Variants in HSPG2 observed in about 807,000 individuals in gnomAD.
HSPG2 encodes the protein heparan sulfate proteoglycan 2.
HSPG2 carries 278 observed loss-of-function variants against 526.6 expected under a neutral mutation model. The ratio of observed to expected loss-of-function variants is 0.53; its 90% CI spans 0.48 to 0.58. The LOEUF (loss-of-function observed/expected upper bound fraction) is 0.58, where lower values mean the gene tolerates loss of function less well. Among genes scored for constraint, HSPG2 ranks in the 20% least tolerant of loss-of-function variants. The probability of loss-of-function intolerance (pLI) is 0.00; values close to 1 mark genes in which losing one functional copy is unlikely to be tolerated. For synonymous variants in HSPG2, 2,465 were observed against 2,555.4 expected (o/e 0.96, Z 1.07); for missense variants, 5,354 against 6,099.5 (o/e 0.88, Z 4.07).
chr1:21,867,048 T>A (rs923753909), intron 33 of HSPG2, among the ~76,000 whole-genome samples: 7 of 137,926 alleles, frequency 5.1e-5, no homozygotes, highest in African/African-American at 1.9e-4. Context: ...CAGTGATTTT[T>A]AAAAATTTTT....
Position 21,864,052 on chromosome 1 carries a change from C to T in HSPG2, c.4740+48G>A, listed in dbSNP as rs947151450. ...CCTTGTCCAGCCCTGGTCCCCCACCCAGGCCCAGCTGAGCTGACCCCCTGT... is the reference window on the plus strand; with the variant it reads ...CCTTGTCCAGCCCTGGTCCCCCACCTAGGCCCAGCTGAGCTGACCCCCTGT... On this transcript the variant is annotated intron_variant, in intron 37 of 96. Transcript: ENST00000374695. This position sits in a 1 kb window ranked among gnomAD's most constrained non-coding sequence, Gnocchi z 4.8. 7.0e-7 allele frequency: 1 copy of T among 1,423,282 alleles called. No homozygotes were observed. The highest frequency in any genetic ancestry group is 1.4e-5 in the African/African-American group (1 of 70,370). 88.2% of individuals were successfully genotyped at this position (1,423,282 alleles called of 1,614,324 possible). A position where few individuals can be genotyped will look rare whatever the true frequency, so the allele number is the denominator to read the frequency against.
In HSPG2 at chr1:21,836,883, C is replaced by G. The variant is rs2098028435; in HGVS notation, c.10274G>C (p.Ser3425Thr). The change falls in exon 75 of 97, where the codon AGC becomes ACC. Residue 3425 changes from serine (S) to threonine (T), a missense_variant. Transcript: ENST00000374695. ...CCAACGGAGCTGGGTACCCCGGTCGCTGGGCACAGCACAGTGGAACTCAAC... is the reference window on the plus strand; with the variant it reads ...CCAACGGAGCTGGGTACCCCGGTCGGTGGGCACAGCACAGTGGAACTCAAC... The part of the protein sequence containing the change: ...ASVEFHCAVP[S>T]DRGTQLRWFK... 1 of 1,573,820 alleles carries G rather than the reference C, an allele frequency of 6.4e-7. No homozygotes were observed. Among genetic ancestry groups the G allele is most frequent in the Admixed American group, 1.8e-5 (1 of 54,408 alleles).
Position 21,896,284 on chromosome 1 carries a change from A to G in HSPG2, c.90T>C (p.Asp30=), listed in dbSNP as rs1222665248. Residue 30 remains aspartate (D), a synonymous_variant, in exon 2 of 97, where the codon GAT becomes GAC. Coordinates refer to ENST00000374695, the MANE Select transcript of HSPG2 (RefSeq NM_005529.7). ...LAVTHGLRAY[D]GLSLPEDIET... ...CTATGTCCTCAGGCAGAGACAAGCC[A>G]TCGTATGCCCTCAGCCCATGGGTCA... 4.3e-6 allele frequency: 7 copies of G among 1,613,682 alleles called. No individual in the cohort carries two copies. Among genetic ancestry groups the G allele is most frequent in the Non-Finnish European group, 5.9e-6 (7 of 1,179,958 alleles).
chr1:21,874,829 GAGA>G, intron 26 of HSPG2, 59 bp downstream of exon 26: 1 of 1,521,108 alleles, frequency 6.6e-7, no homozygotes, highest in Admixed American at 1.8e-5. Context: ...AGGGCTCATG[GAGA>G]AGGAGCGGGA....
intron 1 of HSPG2, among the ~76,000 whole-genome samples, chr1:21,922,690 G>A (rs1363983519): frequency 6.6e-6 from 1 of 152,166 alleles, no homozygotes; most frequent in Non-Finnish European, 1.5e-5. Context: ...GGAGCCTCTT[G>A]GAGGAAGGTG....
At position 21,848,901 on chromosome 1, in the gene HSPG2, C is replaced by A. The variant is rs758731100; in HGVS notation, c.7577G>T (p.Gly2526Val). 42 of 1,613,742 alleles carry A rather than the reference C, an allele frequency of 2.6e-5. No individual in the cohort carries two copies. In the South Asian group the frequency reaches 4.6e-4, roughly 18 times the overall value. Residue 2526 changes from glycine to valine, a missense_variant, in exon 58 of 97, where the codon GGC becomes GTC. Physicochemically the swap from Gly to Val is moderately radical, Grantham distance 109. Coordinates refer to ENST00000374695, the MANE Select transcript of HSPG2 (RefSeq NM_005529.7). The surrounding 1 kb of genome is among the most constrained non-coding windows in gnomAD (Gnocchi z 4.9). ...VLVTIQQRLS[G>V]SHSQGVAYPV... ...ACCCCCGAGACACTCACAGTGGGAGCCACTAAGGCGCTGCTGGATGGTGAC... is the reference window on the plus strand; with the variant it reads ...ACCCCCGAGACACTCACAGTGGGAGACACTAAGGCGCTGCTGGATGGTGAC...
At chr1:21,924,985 C>G (rs144868090) in intron 1 of HSPG2, among the ~76,000 whole-genome samples, 9 of 152,310 alleles carry the variant, frequency 5.9e-5, no homozygotes, top group Admixed American at 5.2e-4. Flanking sequence ...TTGTGTTGGG[C>G]ACTTATAGCT....
chr1:21,895,130 CG>C lies in HSPG2; in HGVS notation c.244+791del, dbSNP rs5772969. Among the ~76,000 whole-genome samples the C allele has an allele frequency of 0.54, 82,108 of 152,028 alleles. 24,061 individuals are homozygous for C. Among genetic ancestry groups the C allele is most frequent in the Middle Eastern group, 0.72 (212 of 294 alleles). ...AGGGTGAAGGCAGCCCTGGATGCCA[CG>C]GGATGGCCCAGTAGTTGGTCTGACC... is the stretch of plus-strand genomic sequence containing the variant. On this transcript the variant is annotated intron_variant, in intron 3 of 96. Transcript: ENST00000374695. This position sits in a 1 kb window ranked among gnomAD's most constrained non-coding sequence, Gnocchi z 4.1.
In HSPG2 at chr1:21,874,884, G is replaced by C. The variant is rs1279820043; in HGVS notation, c.3414+7C>G. On this transcript the variant is annotated splice_region_variant and intron_variant, in intron 26 of 96. Transcript: ENST00000374695. ...CTGGCTGGGCTGGCGTGGGGCCCAG[G>C]ACTCACCTGGCAGGACGGCCCACGG... is the stretch of plus-strand genomic sequence containing the variant. The C allele has an allele frequency of 1.2e-6, 2 of 1,606,694 alleles. No individual in the cohort carries two copies. The highest frequency in any genetic ancestry group is 1.7e-6 in the Non-Finnish European group (2 of 1,175,222).
chr1:21,827,427 T>C (rs2097981234), intron 91 of HSPG2, among the ~76,000 whole-genome samples: 2 of 152,198 alleles, frequency 1.3e-5, no homozygotes, highest in South Asian at 4.1e-4. Flanking sequence ...CCTATTATAT[T>C]AGTGATACAT....
At chr1:21,912,542 C>A (rs578179782) in intron 1 of HSPG2, among the ~76,000 whole-genome samples, 110 of 152,256 alleles carry the variant, frequency 7.2e-4, no homozygotes, top group African/African-American at 2.5e-3. Context: ...AACCAAATCC[C>A]AAAGAAGGGA....
intron 55 of HSPG2, 122 bp from the exon 56 acceptor site, chr1:21,850,620 C>T (rs537107207): frequency 4.9e-6 from 6 of 1,212,784 alleles, no homozygotes; most frequent in Non-Finnish European, 6.7e-6. Context: ...TTTCCCTGTC[C>T]TTCACATGGG....
Position 21,841,283 on chromosome 1 carries a change from G to T in HSPG2, c.9331C>A (p.Pro3111Thr). 1.9e-6 allele frequency: 3 copies of T among 1,613,578 alleles called. No individual in the cohort carries two copies. The highest frequency in any genetic ancestry group is 2.5e-6 in the Non-Finnish European group (3 of 1,179,912). ...TCGGGGAGCACGGACACTGTAGGGG[G>T]CCCTGTGCGGAGGAATGACAACCAC... ...QSVVNLSVHG[P>T]PTVSVLPEGP... The change falls in exon 71 of 97, where the codon CCC (proline) becomes ACC (threonine). Residue 3111 changes from proline to threonine, a missense_variant and splice_region_variant. Pro to Thr is a conservative substitution (Grantham distance 38, BLOSUM62 -1). Transcript: ENST00000374695.
At chr1:21,905,255 A>C (rs1219121740) in intron 1 of HSPG2, among the ~76,000 whole-genome samples, 1 of 133,548 alleles carries the variant, frequency 7.5e-6, no homozygotes, top group African/African-American at 2.7e-5. Context: ...ACCCACCCAC[A>C]CACACCCACA....
At chr1:21,896,045 C>T (rs1019481367) in intron 2 of HSPG2, 79 bp from the exon 3 acceptor site, 3 of 1,587,698 alleles carry the variant, frequency 1.9e-6, no homozygotes, top group Admixed American at 3.3e-5. Flanking sequence ...CTGTTCTGGG[C>T]ACCTAGTATA....
chr1:21,888,121 G>A, intron 6 of HSPG2, 55 bp from the exon 7 acceptor site: 13 of 1,608,866 alleles, frequency 8.1e-6, no homozygotes, highest in Non-Finnish European at 1.0e-5. Context: ...GCAGGTGCGG[G>A]AAGCTGTAGG....
At chr1:21,930,260 C>T (rs902843925) in intron 1 of HSPG2, among the ~76,000 whole-genome samples, 1 of 152,202 alleles carries the variant, frequency 6.6e-6, no homozygotes, top group African/African-American at 2.4e-5. Flanking sequence ...TACTTCAGGT[C>T]TCCTTCAGTT....
rs1442420461 is a variant in HSPG2, at chr1:21,835,616, G to C, written c.10377C>G (p.Ser3459Arg). 1.9e-6 allele frequency: 3 copies of C among 1,613,598 alleles called. No individual in the cohort carries two copies. In the African/African-American group the frequency reaches 4.0e-5, roughly 22 times the overall value. ...CCTGGCATATATACGTCCCTTGGCA[G>C]CTCTGGTCCAAGTTCTGGATTCTAT... Reference protein sequence around the residue: ...GVLRIQNLDQSCQGTYICQAH... With the variant: ...GVLRIQNLDQRCQGTYICQAH... The change falls in exon 76 of 97, where the codon AGC (serine) becomes AGG (arginine). Residue 3459 changes from serine to arginine, a missense_variant. Transcript: ENST00000374695.
Position 21,848,512 on chromosome 1 carries a change from C to G in HSPG2, c.7737+131G>C, listed in dbSNP as rs1638628339. ...TGTATTCTCAGCACTGGTCTAGGAC[C>G]CATCCAGCAAGGATACTCAATGTTT... is the stretch of plus-strand genomic sequence containing the variant. On this transcript the variant is annotated intron_variant, in intron 59 of 96. Transcript: ENST00000374695. The surrounding 1 kb of genome is among the most constrained non-coding windows in gnomAD (Gnocchi z 4.9). 1 of 1,072,612 alleles carries G rather than the reference C, an allele frequency of 9.3e-7. No homozygotes were observed. Among genetic ancestry groups the G allele is most frequent in the African/African-American group, 1.6e-5 (1 of 64,306 alleles). The allele number at this position is 1,072,612 out of a possible 1,614,324, so 66.4% of individuals were successfully genotyped here. A position where few individuals can be genotyped will look rare whatever the true frequency, so the allele number is the denominator to read the frequency against.
Sources: allele counts gnomAD v4.1 joint callset (sites outside exome capture counted in the v4.1 genomes callset), GRCh38; gene constraint gnomAD v4.1.1; non-coding constraint Gnocchi (gnomAD v3.1); transcripts MANE v1.5; gene names NCBI Gene and HGNC (gene_info 2026-07-23, HGNC 2026-07-21).